ATP10B: variants seen among roughly 807,000 people sequenced by gnomAD.
The protein encoded by ATP10B is ATPase phospholipid transporting 10B (putative).
A neutral mutation model predicts 141.2 loss-of-function variants in ATP10B; 122 were observed. The observed-to-expected ratio is 0.86, with a 90% CI of 0.75 to 1.00. The LOEUF (loss-of-function observed/expected upper bound fraction) is 1.00. ATP10B is among the 50% of genes least tolerant of loss of function. ATP10B has a pLI of 0.00. For synonymous variants in ATP10B, 685 were observed against 692.0 expected, an observed-to-expected ratio of 0.99 and a Z score of 0.16; for missense variants, 1,876 against 1,825.3, an observed-to-expected ratio of 1.03 and a Z score of -0.51.
At chr5:160,618,561 TAGAGA>T (rs1332049836) in intron 15 of ATP10B, among the ~76,000 whole-genome samples, 1 of 152,250 alleles carries the variant, frequency 6.6e-6, no homozygotes, top group African/African-American at 2.4e-5. Context: ...GAAATACGTT[TAGAGA>T]AAACATTCTT....
chr5:160,886,693 C>T, the ATP10B span, among the ~76,000 whole-genome samples: 31 of 152,236 alleles, frequency 2.0e-4, 1 homozygote, highest in South Asian at 6.2e-3. Context: ...CAGAGTGGTC[C>T]TTTTCCTTCC....
chr5:160,848,811 C>A (rs554487120), intron 1 of ATP10B, among the ~76,000 whole-genome samples: 3 of 152,162 alleles, frequency 2.0e-5, no homozygotes, highest in South Asian at 4.1e-4. Context: ...ACTATGTGAT[C>A]TAGCTATTTG....
intron 2 of ATP10B, among the ~76,000 whole-genome samples, chr5:160,742,801 A>G (rs957281404): frequency 4.6e-5 from 7 of 152,162 alleles, no homozygotes; most frequent in African/African-American, 1.7e-4. Context: ...CTGGTTCTGG[A>G]TGAGTTCTAA....
intron 1 of ATP10B, among the ~76,000 whole-genome samples, chr5:160,819,321 T>C (rs182374477): frequency 1.3e-5 from 2 of 152,020 alleles, no homozygotes; most frequent in African/African-American, 4.8e-5. Flanking sequence ...GAGTAGTATA[T>C]CTGGCAAAAA....
At chr5:160,627,582 C>A (rs1310789211) in intron 13 of ATP10B, among the ~76,000 whole-genome samples, 1 of 152,150 alleles carries the variant, frequency 6.6e-6, no homozygotes, top group African/African-American at 2.4e-5. Flanking sequence ...AATGCACATA[C>A]TGGCCAATTT....
intron 7 of ATP10B, among the ~76,000 whole-genome samples, chr5:160,650,943 T>G (rs1311449939): frequency 6.6e-6 from 1 of 152,184 alleles, no homozygotes; most frequent in Non-Finnish European, 1.5e-5. Context: ...TTGACCATAT[T>G]TCCTTTAATC....
At chr5:160,827,073 C>A (rs1230111162) in intron 1 of ATP10B, among the ~76,000 whole-genome samples, 1 of 152,112 alleles carries the variant, frequency 6.6e-6, no homozygotes, top group East Asian at 1.9e-4. Flanking sequence ...TCTTTGTGAC[C>A]TACACCCTGT....
At chr5:160,578,122 A>C (rs1273648887) in intron 24 of ATP10B, among the ~76,000 whole-genome samples, 1 of 152,124 alleles carries the variant, frequency 6.6e-6, no homozygotes, top group East Asian at 1.9e-4. Context: ...ATATATTTCA[A>C]TTTAGTTAAA....
chr5:160,916,925 A>G, the ATP10B span, among the ~76,000 whole-genome samples: 1 of 152,202 alleles, frequency 6.6e-6, no homozygotes, highest in Non-Finnish European at 1.5e-5. Flanking sequence ...GCTGGTATAG[A>G]ACACAGATGA....
the ATP10B span, among the ~76,000 whole-genome samples, chr5:160,910,969 G>C: frequency 1.3e-5 from 2 of 152,166 alleles, no homozygotes; most frequent in African/African-American, 2.4e-5. Context: ...GAGAGAACTA[G>C]TTGTTGAAAA....
At chr5:160,709,594 A>AT (rs1194308004) in intron 3 of ATP10B, among the ~76,000 whole-genome samples, 1,497 of 129,252 alleles carry the variant, frequency 0.012, 24 homozygotes, top group African/African-American at 0.038. Flanking sequence ...TCATAAACAA[A>AT]TTTTTTTTTT....
At chr5:160,661,802 A>G (rs192131210) in intron 7 of ATP10B, among the ~76,000 whole-genome samples, 67 of 152,308 alleles carry the variant, frequency 4.4e-4, no homozygotes, top group African/African-American at 1.5e-3. Context: ...GGCCAGGGCA[A>G]TCAGGCAGGA....
At position 160,602,642 on chromosome 5, in the gene ATP10B, C is replaced by T. The variant is rs201896933; in HGVS notation, c.3298G>A (p.Val1100Met). ...RFKHLKKLLL[V>M]HGHWCYSRLA... ...CGCGAGTAACACCAGTGGCCATGCA[C>T]GAGCAGCAACTTCTTGAGATGCTTA... The change falls in exon 21 of 26, where the codon GTG (valine) becomes ATG (methionine). Residue 1100 changes from valine to methionine, a missense_variant. Coordinates refer to ENST00000327245, the MANE Select transcript of ATP10B (RefSeq NM_025153.3). The T allele has an allele frequency of 5.8e-5, 94 of 1,613,962 alleles. No homozygotes were observed. Among genetic ancestry groups the T allele is most frequent in the East Asian group, 2.2e-5 (1 of 44,872 alleles).
chr5:160,654,375 C>G (rs993488200), intron 7 of ATP10B, among the ~76,000 whole-genome samples: 5 of 152,130 alleles, frequency 3.3e-5, no homozygotes, highest in Admixed American at 2.6e-4. Flanking sequence ...GCTCGCCTAA[C>G]TGGACACTTC....
the ATP10B span, among the ~76,000 whole-genome samples, chr5:160,861,720 A>G: frequency 3.9e-5 from 6 of 151,970 alleles, no homozygotes; most frequent in Non-Finnish European, 8.8e-5. Context: ...CTATTTGTAT[A>G]GGATAGTGGT....
At chr5:160,816,685 C>G (rs1007172536) in intron 1 of ATP10B, among the ~76,000 whole-genome samples, 1 of 152,060 alleles carries the variant, frequency 6.6e-6, no homozygotes, top group Non-Finnish European at 1.5e-5. Context: ...CAAAGCCGGA[C>G]AGAGACACAA....
upstream of ATP10B, among the ~76,000 whole-genome samples, chr5:160,856,147 A>G (rs1166960534): frequency 1.3e-5 from 2 of 151,910 alleles, no homozygotes; most frequent in Non-Finnish European, 2.9e-5. Context: ...TATTAAATTC[A>G]TATACTAATT....
At position 160,568,087 on chromosome 5, in the gene ATP10B, A is replaced by G. The variant is rs376618499; in HGVS notation, c.3938+1409T>C. 1.6e-4 allele frequency among the ~76,000 whole-genome samples: 25 copies of G among 152,262 alleles called. 2 individuals carry two copies. Among genetic ancestry groups the G allele is most frequent in the Admixed American group, 9.8e-4 (15 of 15,302 alleles). ...TAGCATTTGCTGAAAGAAACTCTAG[A>G]GATACCCAGATTTCTGGGGTGGTGC... On this transcript the variant is annotated intron_variant, in intron 25 of 25. Transcript: ENST00000327245.
chr5:160,675,898 C>A (rs1018801364), intron 6 of ATP10B, among the ~76,000 whole-genome samples: 1 of 152,006 alleles, frequency 6.6e-6, no homozygotes, highest in African/African-American at 2.4e-5. Context: ...ACCAGGACCC[C>A]TGGCTGGGCT....
Sources: gnomAD v4.1 joint callset for allele counts (sites outside exome capture counted in the v4.1 genomes callset) on GRCh38, gnomAD v4.1.1 for gene constraint, MANE v1.5 for transcripts, NCBI Gene and HGNC (gene_info 2026-07-23, HGNC 2026-07-21) for gene names.